The following FAXC variants were observed in gnomAD, a reference collection of about 807,000 sequenced individuals.
FAXC encodes the protein failed axon connections homolog.
Under a neutral mutation model 41.9 loss-of-function variants are expected in FAXC, and 10 were observed. That is an observed-to-expected ratio of 0.24 (90% CI 0.15 to 0.41). The LOEUF is 0.41. FAXC is among the 10% of genes least tolerant of loss of function. FAXC has a pLI of 1.00. For missense variants in FAXC, 399 were observed against 510.9 expected (o/e 0.78, Z 2.11); for synonymous variants, 183 against 183.8 (o/e 1.00, Z 0.03).
intron 3 of FAXC, among the ~76,000 whole-genome samples, chr6:99,329,771 C>G (rs1772965757): frequency 6.6e-6 from 1 of 151,666 alleles, no homozygotes; most frequent in African/African-American, 2.4e-5. Flanking sequence ...CCCATCTTCC[C>G]CCATCTCCTG....
At chr6:99,283,419 C>T (rs1770907431) in intron 5 of FAXC, among the ~76,000 whole-genome samples, 1 of 152,180 alleles carries the variant, frequency 6.6e-6, no homozygotes, top group Non-Finnish European at 1.5e-5. Context: ...GTTTTACTTA[C>T]ATCCCCTGCA....
intron 3 of FAXC, 54 bp from the exon 4 acceptor site, chr6:99,323,721 A>C: frequency 1.3e-5 from 18 of 1,371,492 alleles, no homozygotes; most frequent in South Asian, 2.4e-5. Flanking sequence ...TATCAGCTCC[A>C]CAGGGTCACT....
rs565673771 is a variant in FAXC at position 99,318,838 on chromosome 6, G to C, written c.823+4606C>G. ...GGTGATGCCCCAGATGTGAACCCGG[G>C]ATCTGACTCCAGGATTCCCACACCC... On this transcript the variant is annotated intron_variant, in intron 4 of 5. Coordinates refer to ENST00000389677, the MANE Select transcript of FAXC (RefSeq NM_032511.4). Among the ~76,000 whole-genome samples the C allele has an allele frequency of 7.2e-5, 11 of 152,254 alleles. No homozygotes were observed. The East Asian group carries it at 1.9e-3, about 27-fold the overall frequency.
intron 4 of FAXC, among the ~76,000 whole-genome samples, chr6:99,305,209 A>G (rs1318183280): frequency 6.6e-6 from 1 of 152,118 alleles, no homozygotes; most frequent in East Asian, 1.9e-4. Flanking sequence ...CAAGGTAACC[A>G]CTCTTAGTGT....
intron 5 of FAXC, among the ~76,000 whole-genome samples, chr6:99,288,503 A>G (rs1284680810): frequency 6.6e-6 from 1 of 152,226 alleles, no homozygotes; most frequent in Non-Finnish European, 1.5e-5. Flanking sequence ...AAAGGAATCA[A>G]CATCTTTTAG....
chr6:99,346,770 C>T (rs1377211913), intron 1 of FAXC, among the ~76,000 whole-genome samples: 1 of 152,302 alleles, frequency 6.6e-6, no homozygotes, highest in Admixed American at 6.5e-5. Flanking sequence ...GATCCTACTA[C>T]TCTTACTGTG....
At chr6:99,347,174 A>G (rs769916424) in intron 1 of FAXC, among the ~76,000 whole-genome samples, 24 of 152,118 alleles carry the variant, frequency 1.6e-4, no homozygotes, top group Non-Finnish European at 2.5e-4. Flanking sequence ...GACTGAGGCC[A>G]GAGGATCGCT....
intron 2 of FAXC, among the ~76,000 whole-genome samples, chr6:99,335,673 C>T (rs887693897): frequency 2.0e-5 from 3 of 152,184 alleles, no homozygotes; most frequent in Non-Finnish European, 4.4e-5. Flanking sequence ...GGTGTGCTCT[C>T]GCCATTGTTC....
At chr6:99,316,655 T>C (rs555879167) in intron 4 of FAXC, among the ~76,000 whole-genome samples, 2 of 152,314 alleles carry the variant, frequency 1.3e-5, no homozygotes, top group Non-Finnish European at 2.9e-5. Flanking sequence ...TGGTATAGGC[T>C]TCCCAATCTG....
At chr6:99,305,933 G>C (rs1249533790) in intron 4 of FAXC, among the ~76,000 whole-genome samples, 2 of 152,014 alleles carry the variant, frequency 1.3e-5, no homozygotes, top group African/African-American at 4.8e-5. Flanking sequence ...CTCTCACGGA[G>C]TTTACATCAC....
intron 4 of FAXC, among the ~76,000 whole-genome samples, chr6:99,322,011 G>C (rs1210095506): frequency 6.6e-6 from 1 of 152,198 alleles, no homozygotes; most frequent in East Asian, 1.9e-4. Flanking sequence ...GCCCAGTTGT[G>C]AGCCTGGTTT....
rs1238658454 is a variant in FAXC at position 99,314,098 on chromosome 6, T to C, written c.823+9346A>G. 3.3e-5 allele frequency among the ~76,000 whole-genome samples: 5 copies of C among 152,188 alleles called. No homozygotes were observed. The East Asian group carries it at 9.6e-4, about 29-fold the overall frequency. ...TCTCTGCAGCCTTCAACTCCTGGCC[T>C]CAAGCGATTCCCATTGCCTCAGCCT... On this transcript the variant is annotated intron_variant, in intron 4 of 5. Coordinates refer to ENST00000389677, the MANE Select transcript of FAXC (RefSeq NM_032511.4).
chr6:99,302,321 T>C (rs9399120), intron 4 of FAXC, among the ~76,000 whole-genome samples: 7,280 of 152,270 alleles, frequency 0.048, 477 homozygotes, highest in East Asian at 0.34. Context: ...TGTTATTGAA[T>C]GTTGGGTCAT....
At chr6:99,281,483 G>C (rs746769488) in intron 5 of FAXC, 30 bp from the exon 6 acceptor site, 2 of 1,542,302 alleles carry the variant, frequency 1.3e-6, no homozygotes, top group South Asian at 2.3e-5. Context: ...GCAAGGATTA[G>C]TTCTCAAAGG....
intron 1 of FAXC, among the ~76,000 whole-genome samples, chr6:99,347,678 C>T (rs1453025958): frequency 6.6e-6 from 1 of 152,194 alleles, no homozygotes; most frequent in East Asian, 1.9e-4. Context: ...GCTGAGAAGC[C>T]TCATGGTTTG....
At chr6:99,334,549 A>G in intron 2 of FAXC, 1 of 819,708 alleles carries the variant, frequency 1.2e-6, no homozygotes, top group South Asian at 5.6e-5. Context: ...TACTTCTAGA[A>G]GCTGCTAATA....
Position 99,309,739 on chromosome 6 carries a change from T to C in FAXC, c.823+13705A>G, listed in dbSNP as rs111509965. 6.7e-3 allele frequency: 1,189 copies of C among 176,946 alleles called. 11 individuals carry two copies. The highest frequency in any genetic ancestry group is 0.027 in the African/African-American group (1,145 of 41,940). 11.0% of individuals were successfully genotyped at this position (176,946 alleles called of 1,614,324 possible). A position where few individuals can be genotyped will look rare whatever the true frequency, so the allele number is the denominator to read the frequency against. On this transcript the variant is annotated intron_variant, in intron 4 of 5. Coordinates refer to ENST00000389677, the MANE Select transcript of FAXC (RefSeq NM_032511.4). ...AGAGCAGTGAGCAACTTAAGAGTTATTGAATAATAAGTAAAGACCCGTCAG... is the reference window on the plus strand; with the variant it reads ...AGAGCAGTGAGCAACTTAAGAGTTACTGAATAATAAGTAAAGACCCGTCAG...
chr6:99,309,982 T>C (rs1233971486), intron 4 of FAXC: 2 of 842,678 alleles, frequency 2.4e-6, no homozygotes, highest in Non-Finnish European at 2.9e-6. Flanking sequence ...ATTTGCTGAG[T>C]GGCCTTAGAC....
chr6:99,294,407 G>A (rs970959024), intron 4 of FAXC, among the ~76,000 whole-genome samples: 1 of 152,200 alleles, frequency 6.6e-6, no homozygotes, highest in East Asian at 1.9e-4. Context: ...GGCAGGAGGG[G>A]GTGTTGGCCA....
Sources: gnomAD v4.1 joint callset for allele counts (sites outside exome capture counted in the v4.1 genomes callset) on GRCh38, gnomAD v4.1.1 for gene constraint, MANE v1.5 for transcripts, NCBI Gene and HGNC (gene_info 2026-07-23, HGNC 2026-07-21) for gene names.